SLC24A4: variants seen among roughly 807,000 people sequenced by gnomAD.
SLC24A4 encodes sodium/potassium/calcium exchanger 4.
Under a neutral mutation model 79.0 loss-of-function variants are expected in SLC24A4, and 53 were observed. That is an observed-to-expected ratio of 0.67 (90% CI 0.54 to 0.84). The LOEUF is 0.84. Among genes scored for constraint, SLC24A4 ranks in the 40% least tolerant of loss-of-function variants. SLC24A4 has a pLI of 0.00. For missense variants in SLC24A4, 731 were observed against 822.0 expected (o/e 0.89, Z 1.35); for synonymous variants, 323 against 323.8 (o/e 1.00, Z 0.03).
At chr14:92,394,758 A>T (rs1278464817) in intron 2 of SLC24A4, among the ~76,000 whole-genome samples, 1 of 152,268 alleles carries the variant, frequency 6.6e-6, no homozygotes, top group Non-Finnish European at 1.5e-5. Flanking sequence ...AACTTTGGAA[A>T]CTACTCTGAA....
At chr14:92,480,443 G>A (rs560829301) in intron 12 of SLC24A4, among the ~76,000 whole-genome samples, 47 of 148,988 alleles carry the variant, frequency 3.2e-4, no homozygotes, top group African/African-American at 9.6e-4. Flanking sequence ...ACAGGCGCCC[G>A]CCACCACGCC....
At chr14:92,477,959 A>G (rs1330826265) in intron 12 of SLC24A4, among the ~76,000 whole-genome samples, 1 of 151,298 alleles carries the variant, frequency 6.6e-6, no homozygotes, top group African/African-American at 2.4e-5. Flanking sequence ...GGCATGCACC[A>G]CCACACCCGG....
chr14:92,352,646 C>T (rs904858700), intron 2 of SLC24A4, among the ~76,000 whole-genome samples: 8 of 152,204 alleles, frequency 5.3e-5, no homozygotes, highest in African/African-American at 1.7e-4. Flanking sequence ...CGAAATACAT[C>T]GGAAGCCAGA....
intron 14 of SLC24A4, 29 bp from the exon 15 acceptor site, chr14:92,491,636 T>C (rs1329369891): frequency 2.0e-6 from 3 of 1,485,730 alleles, no homozygotes; most frequent in East Asian, 2.3e-5. Context: ...CCTGCTCTTA[T>C]AAAATAAATG....
At chr14:92,432,399 A>G (rs1891924292) in intron 2 of SLC24A4, among the ~76,000 whole-genome samples, 1 of 152,220 alleles carries the variant, frequency 6.6e-6, no homozygotes, top group African/African-American at 2.4e-5. Context: ...GGATTGGATA[A>G]ATCAGTCAGC....
intron 8 of SLC24A4, 140 bp from the exon 9 acceptor site, chr14:92,447,231 C>T (rs1892845144): frequency 2.9e-6 from 2 of 687,892 alleles, no homozygotes; most frequent in Non-Finnish European, 2.5e-6. Flanking sequence ...ATCTCTCTCA[C>T]ATGCCTGGGT....
intron 2 of SLC24A4, among the ~76,000 whole-genome samples, chr14:92,423,227 C>T (rs1330890152): frequency 6.6e-6 from 1 of 152,180 alleles, no homozygotes; most frequent in Non-Finnish European, 1.5e-5. Context: ...TCACTGCAAT[C>T]TCCGCCTCCC....
At chr14:92,344,847 G>A (rs1886436650) in intron 2 of SLC24A4, among the ~76,000 whole-genome samples, 3 of 152,182 alleles carry the variant, frequency 2.0e-5, no homozygotes, top group Non-Finnish European at 2.9e-5. Context: ...GCGGGATGGA[G>A]CCAGTGTGCT....
intron 10 of SLC24A4, 25 bp downstream of exon 10, chr14:92,449,241 G>A (rs1222806594): frequency 1.9e-6 from 3 of 1,611,348 alleles, no homozygotes; most frequent in Admixed American, 3.3e-5. Flanking sequence ...ACAGGAGTGG[G>A]CAGAAATGTG....
intron 2 of SLC24A4, among the ~76,000 whole-genome samples, chr14:92,338,893 G>T (rs529122754): frequency 2.6e-5 from 4 of 152,172 alleles, no homozygotes; most frequent in African/African-American, 4.8e-5. Flanking sequence ...TGTCCTCTTT[G>T]TCGTTGGCTT....
rs1347052171 is a variant in SLC24A4 at position 92,449,120 on chromosome 14, A to G, written c.784A>G (p.Ile262Val). 1.4e-5 allele frequency: 23 copies of G among 1,614,112 alleles called. No individual in the cohort carries two copies. The highest frequency in any genetic ancestry group is 2.2e-5 in the South Asian group (2 of 91,094). The change falls in exon 10 of 17, where the codon ATT becomes GTT. Residue 262 changes from isoleucine to valine, a missense_variant. Coordinates refer to ENST00000532405, the MANE Select transcript of SLC24A4 (RefSeq NM_153646.4). ...QAFFTVKQKS[I>V]ANGNPVNSEL... ...CTTTTTCACAGTCAAACAAAAGAGC[A>G]TTGCAAACGGTAACCCGGTCAACAG...
At position 92,480,318 on chromosome 14, in the gene SLC24A4, G is replaced by T. The variant is rs2149053; in HGVS notation, c.1256-2362G>T. On this transcript the variant is annotated intron_variant, in intron 12 of 16. Transcript: ENST00000532405. ...TTTTTTTTTTTTGAGATGGAGTCTT[G>T]CTCTGTCGCCCAGGCCGAACTGCGG... Among the ~76,000 whole-genome samples, 4 of 85,470 alleles carry T rather than the reference G, an allele frequency of 4.7e-5. 1 individual carries two copies. The highest frequency in any genetic ancestry group is 1.3e-4 in the Admixed American group (1 of 7,460). The allele number at this position is 85,470 out of a possible 152,430, so 56.1% of individuals were successfully genotyped here. A position where few individuals can be genotyped will look rare whatever the true frequency, so the allele number is the denominator to read the frequency against.
At chr14:92,415,334 C>A (rs1566750289) in intron 2 of SLC24A4, among the ~76,000 whole-genome samples, 1 of 152,240 alleles carries the variant, frequency 6.6e-6, no homozygotes, top group Non-Finnish European at 1.5e-5. Flanking sequence ...GGAAGTTTGA[C>A]CTCTTGCCTT....
At chr14:92,350,583 C>T (rs957361596) in intron 2 of SLC24A4, among the ~76,000 whole-genome samples, 3 of 152,190 alleles carry the variant, frequency 2.0e-5, no homozygotes, top group Admixed American at 2.0e-4. Context: ...TCCAAACTCT[C>T]TCAGTCTATC....
intron 2 of SLC24A4, among the ~76,000 whole-genome samples, chr14:92,395,795 G>A (rs576479127): frequency 4.0e-4 from 61 of 152,162 alleles, no homozygotes; most frequent in African/African-American, 1.5e-3. Context: ...TTTTTGTCAT[G>A]AGATGGTTAT....
At chr14:92,442,022 A>C in intron 4 of SLC24A4, 67 bp from the exon 5 acceptor site, 8 of 1,283,072 alleles carry the variant, frequency 6.2e-6, no homozygotes, top group African/African-American at 1.5e-5. Flanking sequence ...CCTTGGCTGT[A>C]GAGCGTCCAG....
chr14:92,362,449 T>A (rs1419095897), intron 2 of SLC24A4, among the ~76,000 whole-genome samples: 2 of 152,146 alleles, frequency 1.3e-5, no homozygotes, highest in Admixed American at 6.5e-5. Flanking sequence ...TCCAGTGGGC[T>A]GGGAGCTGGG....
intron 2 of SLC24A4, among the ~76,000 whole-genome samples, chr14:92,351,120 C>T (rs908999878): frequency 1.3e-5 from 2 of 152,122 alleles, no homozygotes; most frequent in African/African-American, 4.8e-5. Flanking sequence ...TACTTTGTTA[C>T]AGCAGCCCAA....
At chr14:92,404,240 G>A (rs1890258151) in intron 2 of SLC24A4, among the ~76,000 whole-genome samples, 1 of 152,136 alleles carries the variant, frequency 6.6e-6, no homozygotes, top group Non-Finnish European at 1.5e-5. Context: ...TAGCCCAGCT[G>A]GTCTTGCTTT....
Sources: gnomAD v4.1 joint callset for allele counts (sites outside exome capture counted in the v4.1 genomes callset) on GRCh38, gnomAD v4.1.1 for gene constraint, MANE v1.5 for transcripts, NCBI Gene and HGNC (gene_info 2026-07-23, HGNC 2026-07-21) for gene names.